Variants in PDE11A observed in about 807,000 individuals in gnomAD.
PDE11A encodes phosphodiesterase 11A.
Under a neutral mutation model 100.5 loss-of-function variants are expected in PDE11A, and 100 were observed. That is an observed-to-expected ratio of 1.00 (90% CI 0.85 to 1.18). The LOEUF (loss-of-function observed/expected upper bound fraction) is 1.18. Ranked by LOEUF, PDE11A falls within the 50% of genes most tolerant of loss-of-function variation. PDE11A has a pLI of 0.00. For synonymous variants in PDE11A, 381 were observed against 420.8 expected (o/e 0.91, Z 1.16); for missense variants, 1,141 against 1,152.6 (o/e 0.99, Z 0.15).
At chr2:177,823,355 C>G (rs2083173827) in intron 6 of PDE11A, among the ~76,000 whole-genome samples, 1 of 152,120 alleles carries the variant, frequency 6.6e-6, no homozygotes, top group South Asian at 2.1e-4. Flanking sequence ...GACAACAATT[C>G]ACTCTGTTTA....
chr2:177,958,107 T>A (rs570589087), intron 2 of PDE11A, among the ~76,000 whole-genome samples: 1 of 152,190 alleles, frequency 6.6e-6, no homozygotes, highest in Non-Finnish European at 1.5e-5. Context: ...GCTAGGCTGG[T>A]CTTCAACTCC....
intron 16 of PDE11A, 44 bp downstream of exon 16, chr2:177,680,782 T>G: frequency 9.5e-7 from 1 of 1,056,814 alleles, no homozygotes; most frequent in Non-Finnish European, 1.5e-6. Context: ...GTGGACTAAA[T>G]GTCCAAATAA....
rs139141528 is a variant in PDE11A at position 177,748,039 on chromosome 2, C to T, written c.1789-19867G>A. ...GCAGAATTTGCCAACATTCAGGATGCCCTGCTCAATCTTTCTTAGATTGGA... is the reference window on the plus strand; with the variant it reads ...GCAGAATTTGCCAACATTCAGGATGTCCTGCTCAATCTTTCTTAGATTGGA... On this transcript the variant is annotated intron_variant, in intron 10 of 19. Coordinates refer to ENST00000286063, the MANE Select transcript of PDE11A (RefSeq NM_016953.4). 9.9e-4 allele frequency among the ~76,000 whole-genome samples: 150 copies of T among 152,212 alleles called. 1 individual carries two copies. Among genetic ancestry groups the T allele is most frequent in the African/African-American group, 3.2e-3 (134 of 41,532 alleles).
chr2:177,787,858 C>T (rs1453875735), intron 9 of PDE11A, among the ~76,000 whole-genome samples: 2 of 152,184 alleles, frequency 1.3e-5, no homozygotes, highest in Non-Finnish European at 2.9e-5. Context: ...TATATATGCA[C>T]CCAATACAGG....
chr2:177,979,162 T>C (rs1000275235), intron 2 of PDE11A, among the ~76,000 whole-genome samples: 14 of 150,444 alleles, frequency 9.3e-5, no homozygotes, highest in South Asian at 2.2e-4. Context: ...CCCAACCCCT[T>C]TGGATGTGTC....
intron 8 of PDE11A, among the ~76,000 whole-genome samples, chr2:177,817,309 A>G (rs1254095010): frequency 6.6e-6 from 1 of 152,224 alleles, no homozygotes; most frequent in Non-Finnish European, 1.5e-5. Flanking sequence ...AAACCAAGTT[A>G]ATGTAACCAT....
At chr2:177,783,589 A>C (rs1269552181) in intron 9 of PDE11A, among the ~76,000 whole-genome samples, 2 of 152,232 alleles carry the variant, frequency 1.3e-5, no homozygotes, top group African/African-American at 2.4e-5. Flanking sequence ...GGCAAGAAAA[A>C]TGAGTCAGAT....
intron 1 of PDE11A, among the ~76,000 whole-genome samples, chr2:178,041,182 C>G (rs2086678824): frequency 6.6e-6 from 1 of 152,048 alleles, no homozygotes; most frequent in African/African-American, 2.4e-5. Context: ...TCAAGCAATG[C>G]TCCTGCCTCA....
intron 9 of PDE11A, among the ~76,000 whole-genome samples, chr2:177,800,568 T>C (rs1396121214): frequency 6.6e-6 from 1 of 152,184 alleles, no homozygotes; most frequent in Non-Finnish European, 1.5e-5. Flanking sequence ...GAGATTCTTG[T>C]ACTTTAATTA....
chr2:177,746,371 C>T (rs986606872), intron 10 of PDE11A, among the ~76,000 whole-genome samples: 1 of 151,918 alleles, frequency 6.6e-6, no homozygotes, highest in African/African-American at 2.4e-5. Flanking sequence ...ACGGAACAAA[C>T]ACCAGAAATT....
chr2:177,926,219 A>G (rs2105759112), intron 2 of PDE11A, among the ~76,000 whole-genome samples: 1 of 151,712 alleles, frequency 6.6e-6, no homozygotes, highest in East Asian at 1.9e-4. Flanking sequence ...TTTCAGAAGT[A>G]TTTTTTCATT....
chr2:177,740,996 G>A (rs564698365), intron 10 of PDE11A, among the ~76,000 whole-genome samples: 1 of 152,310 alleles, frequency 6.6e-6, no homozygotes, highest in South Asian at 2.1e-4. Context: ...GTCCTATTCT[G>A]AGAAGGGAAC....
chr2:177,876,924 G>C (rs1337988700), intron 4 of PDE11A, among the ~76,000 whole-genome samples: 1 of 148,138 alleles, frequency 6.8e-6, no homozygotes, highest in Admixed American at 6.7e-5. Context: ...ATTTACTAAT[G>C]TGCAGAAGCA....
chr2:177,717,692 C>T (rs1194346181), intron 12 of PDE11A, among the ~76,000 whole-genome samples: 1 of 152,166 alleles, frequency 6.6e-6, no homozygotes, highest in Non-Finnish European at 1.5e-5. Flanking sequence ...CACCTGTCCT[C>T]TGAGCAGGCC....
At chr2:177,736,831 T>TGAGCGG (rs2081791484) in intron 10 of PDE11A, among the ~76,000 whole-genome samples, 1 of 152,306 alleles carries the variant, frequency 6.6e-6, no homozygotes, top group South Asian at 2.1e-4. Context: ...CGGTAAGGAC[T>TGAGCGG]TTAGCTCATT....
intron 18 of PDE11A, among the ~76,000 whole-genome samples, chr2:177,665,487 A>AT (rs1187255760): frequency 9.7e-3 from 338 of 34,934 alleles, no homozygotes; most frequent in Non-Finnish European, 0.02. Context: ...CTCAAAAAAA[A>AT]AATAATAATA....
At chr2:177,662,807 T>A (rs1229463815) in intron 19 of PDE11A, among the ~76,000 whole-genome samples, 1 of 145,404 alleles carries the variant, frequency 6.9e-6, no homozygotes, top group Non-Finnish European at 1.5e-5. Context: ...TTATCAAAAA[T>A]TACATATCCA....
intron 5 of PDE11A, among the ~76,000 whole-genome samples, chr2:177,841,341 A>C (rs2083487515): frequency 6.6e-6 from 1 of 152,230 alleles, no homozygotes; most frequent in Non-Finnish European, 1.5e-5. Context: ...GATAACTGAA[A>C]TTATGTGGAT....
intron 2 of PDE11A, among the ~76,000 whole-genome samples, chr2:178,003,371 A>G (rs2105819239): frequency 1.3e-5 from 2 of 152,316 alleles, no homozygotes; most frequent in South Asian, 4.1e-4. Context: ...ACTGGGCCAT[A>G]AAAAGAAATG....
Sources: gnomAD v4.1 joint callset for allele counts (sites outside exome capture counted in the v4.1 genomes callset) on GRCh38, gnomAD v4.1.1 for gene constraint, MANE v1.5 for transcripts, NCBI Gene and HGNC (gene_info 2026-07-23, HGNC 2026-07-21) for gene names.